The following DIP2B variants were observed in gnomAD, a reference collection of about 807,000 sequenced individuals.
The protein encoded by DIP2B is disco-interacting protein 2 homolog B.
DIP2B carries 76 observed loss-of-function variants against 198.0 expected under a neutral mutation model. The observed-to-expected ratio is 0.38, with a 90% CI of 0.32 to 0.46. The LOEUF (loss-of-function observed/expected upper bound fraction) is 0.46, where lower values mean the gene tolerates loss of function less well. DIP2B is among the 20% of genes least tolerant of loss of function. The pLI, the probability that DIP2B is intolerant of heterozygous loss-of-function variation, is 0.99. For missense variants in DIP2B, 1,559 were observed against 1,978.4 expected (o/e 0.79, Z 4.02); for synonymous variants, 701 against 739.1 (o/e 0.95, Z 0.84).
chr12:50,593,896 C>T (rs1593639005), intron 1 of DIP2B, among the ~76,000 whole-genome samples: 1 of 46,652 alleles, frequency 2.1e-5, no homozygotes, highest in East Asian at 1.5e-3. Context: ...CCTCCCCTCC[C>T]CTCTCCTCCC....
At chr12:50,610,148 A>G (rs538918326) in intron 1 of DIP2B, among the ~76,000 whole-genome samples, 2 of 152,160 alleles carry the variant, frequency 1.3e-5, no homozygotes, top group Non-Finnish European at 2.9e-5. Flanking sequence ...CTGTCACCCT[A>G]AGGAATGGTT....
At chr12:50,689,209 G>A (rs1270222422) in intron 12 of DIP2B, among the ~76,000 whole-genome samples, 7 of 152,018 alleles carry the variant, frequency 4.6e-5, no homozygotes, top group Non-Finnish European at 1.0e-4. Flanking sequence ...ACGAGCCTGG[G>A]CAACATGGCG....
chr12:50,634,090 C>T (rs1412788137), intron 2 of DIP2B, among the ~76,000 whole-genome samples: 1 of 152,180 alleles, frequency 6.6e-6, no homozygotes, highest in Non-Finnish European at 1.5e-5. Flanking sequence ...GAGCTGTCTG[C>T]TCTTTGAAAG....
rs761602620 is a variant in DIP2B, at chr12:50,505,097, C to A, written c.-44C>A. On this transcript the variant is annotated 5_prime_UTR_variant, in exon 1 of 38. Transcript: ENST00000301180. ...GGCCCGTGTCTGTCCGTCCCTCCTT[C>A]GGCCCCCTCTCTTGTCTTCCGGAGT... 1.2e-4 allele frequency: 180 copies of A among 1,509,400 alleles called. No individual in the cohort carries two copies. In the Middle Eastern group the frequency reaches 1.5e-3, roughly 12 times the overall value. The allele number at this position is 1,509,400 out of a possible 1,614,324, so 93.5% of individuals were successfully genotyped here. A position where few individuals can be genotyped will look rare whatever the true frequency, so the allele number is the denominator to read the frequency against.
In DIP2B at chr12:50,695,889, A is replaced by G. The variant is rs768405640; in HGVS notation, c.1855A>G (p.Met619Val). The change falls in exon 16 of 38, where the codon ATG (methionine) becomes GTG (valine). Residue 619 changes from methionine (M) to valine (V), a missense_variant. Transcript: ENST00000301180. ...LVKCRDLHWA[M>V]MAHRDQRDVS... The stretch of plus-strand genomic sequence containing the variant: ...AAAATGTCGGGACTTGCACTGGGCT[A>G]TGATGGCACATCGGGACCAAAGAGA... The G allele has an allele frequency of 1.9e-6, 3 of 1,614,154 alleles. No homozygotes were observed. Among genetic ancestry groups the G allele is most frequent in the Non-Finnish European group, 2.5e-6 (3 of 1,179,966 alleles).
chr12:50,708,554 G>C lies in DIP2B; in HGVS notation c.2641G>C (p.Val881Leu). The C allele has an allele frequency of 6.3e-7, 1 of 1,587,346 alleles. No homozygotes were observed. The highest frequency in any genetic ancestry group is 8.6e-7 in the Non-Finnish European group (1 of 1,165,336). ...AGATAGTTTCCAGTGGATGAGCCGC[G>C]TGCTGCAGGTGAGCACACTTTGGGG... ...EEDSFQWMSRVLQAIDSIHQV... is the reference protein window; with the variant it reads ...EEDSFQWMSRLLQAIDSIHQV... Residue 881 changes from valine (V) to leucine (L), a missense_variant, in exon 22 of 38, where the codon GTG (valine) becomes CTG (leucine). Transcript: ENST00000301180.
chr12:50,599,934 C>CT, intron 1 of DIP2B, among the ~76,000 whole-genome samples: 1 of 152,310 alleles, frequency 6.6e-6, no homozygotes, highest in South Asian at 2.1e-4. Flanking sequence ...CAACAGTTCT[C>CT]TAAGGACATC....
At chr12:50,533,758 T>G (rs1341633540) in intron 1 of DIP2B, among the ~76,000 whole-genome samples, 1 of 151,942 alleles carries the variant, frequency 6.6e-6, no homozygotes, top group Non-Finnish European at 1.5e-5. Flanking sequence ...CTGGCTAATT[T>G]TTAAATTTTT....
At chr12:50,687,632 G>T (rs1014413961) in intron 12 of DIP2B, among the ~76,000 whole-genome samples, 9 of 151,958 alleles carry the variant, frequency 5.9e-5, no homozygotes, top group Admixed American at 2.0e-4. Context: ...ACTAACACAG[G>T]AACAGAAAAC....
At chr12:50,590,741 G>GAC (rs1487963262) in intron 1 of DIP2B, among the ~76,000 whole-genome samples, 1 of 152,196 alleles carries the variant, frequency 6.6e-6, no homozygotes, top group Non-Finnish European at 1.5e-5. Flanking sequence ...GTGAAAGCAT[G>GAC]TTTAAAAACA....
At chr12:50,568,987 G>C (rs756856450) in intron 1 of DIP2B, among the ~76,000 whole-genome samples, 1 of 149,922 alleles carries the variant, frequency 6.7e-6, no homozygotes, top group Non-Finnish European at 1.5e-5. Context: ...TTCCCTAGTC[G>C]TGCTTCCCTC....
chr12:50,508,962 A>C (rs931680803), intron 1 of DIP2B, among the ~76,000 whole-genome samples: 1 of 152,102 alleles, frequency 6.6e-6, no homozygotes, highest in Non-Finnish European at 1.5e-5. Context: ...GGCCTCCTGA[A>C]GTGCTGGGAT....
At chr12:50,742,933 C>T (rs893965747) in intron 37 of DIP2B, among the ~76,000 whole-genome samples, 2 of 152,088 alleles carry the variant, frequency 1.3e-5, no homozygotes, top group African/African-American at 4.8e-5. Context: ...ATAGGAGTCT[C>T]TCCCCAGACC....
At chr12:50,624,196 T>C (rs1350218638) in intron 1 of DIP2B, among the ~76,000 whole-genome samples, 2 of 152,200 alleles carry the variant, frequency 1.3e-5, no homozygotes, top group African/African-American at 4.8e-5. Context: ...AATCTCTCTT[T>C]CCTGAGTTCT....
intron 1 of DIP2B, among the ~76,000 whole-genome samples, chr12:50,528,016 C>T (rs954394354): frequency 4.0e-5 from 6 of 151,736 alleles, no homozygotes; most frequent in African/African-American, 1.5e-4. Context: ...CAGCCTTGAC[C>T]TCCCAGGCTC....
intron 1 of DIP2B, among the ~76,000 whole-genome samples, chr12:50,515,847 ACT>A (rs1487545359): frequency 6.6e-6 from 1 of 151,654 alleles, no homozygotes; most frequent in Non-Finnish European, 1.5e-5. Context: ...GTCTAAAACA[ACT>A]CTGTTTCAAC....
At chr12:50,681,428 T>TAACAAC (rs977416965) in intron 9 of DIP2B, among the ~76,000 whole-genome samples, 2 of 151,338 alleles carry the variant, frequency 1.3e-5, no homozygotes, top group Non-Finnish European at 2.9e-5. Context: ...AGTGAGACCC[T>TAACAAC]AACAACAACA....
At chr12:50,560,203 G>A (rs528234377) in intron 1 of DIP2B, among the ~76,000 whole-genome samples, 1 of 151,710 alleles carries the variant, frequency 6.6e-6, no homozygotes, top group African/African-American at 2.4e-5. Context: ...GACCATCTTG[G>A]CTAATACAGT....
intron 1 of DIP2B, among the ~76,000 whole-genome samples, chr12:50,604,045 A>G (rs959893176): frequency 1.3e-5 from 2 of 152,054 alleles, no homozygotes; most frequent in Admixed American, 6.6e-5. Flanking sequence ...ATTGTTTTGC[A>G]TCATGCAAGC....
Sources: gnomAD v4.1 joint callset for allele counts (sites outside exome capture counted in the v4.1 genomes callset) on GRCh38, gnomAD v4.1.1 for gene constraint, MANE v1.5 for transcripts, NCBI Gene and HGNC (gene_info 2026-07-23, HGNC 2026-07-21) for gene names.